GOLGA4: variants seen among roughly 807,000 people sequenced by gnomAD.
The protein encoded by GOLGA4 is golgin subfamily A member 4.
In GOLGA4, 169 loss-of-function variants were observed where a neutral mutation model predicts 265.9. The observed-to-expected ratio is 0.64, with a 90% CI of 0.56 to 0.72. The LOEUF (loss-of-function observed/expected upper bound fraction) is 0.72. GOLGA4 is among the 30% of genes least tolerant of loss of function. GOLGA4 has a pLI of 0.00. For missense variants in GOLGA4, 2,482 were observed against 2,483.4 expected (o/e 1.00, Z 0.01); for synonymous variants, 923 against 855.8 (o/e 1.08, Z -1.37).
At chr3:37,277,497 G>A (rs1388195472) in intron 2 of GOLGA4, among the ~76,000 whole-genome samples, 2 of 152,052 alleles carry the variant, frequency 1.3e-5, no homozygotes, top group African/African-American at 2.4e-5. Context: ...ATTTTGATTC[G>A]GAAATCTATA....
chr3:37,267,371 G>A (rs1320310092), intron 2 of GOLGA4, among the ~76,000 whole-genome samples: 1 of 152,226 alleles, frequency 6.6e-6, no homozygotes, highest in African/African-American at 2.4e-5. Flanking sequence ...TAATTAAACA[G>A]CATTGAATAG....
chr3:37,286,218 A>G (rs1164673028), intron 4 of GOLGA4, among the ~76,000 whole-genome samples, 157 bp downstream of exon 4: 2 of 137,086 alleles, frequency 1.5e-5, no homozygotes, highest in Admixed American at 8.5e-5. Flanking sequence ...CAGTGGCGCA[A>G]TCTCGGCTCA....
Position 37,340,538 on chromosome 3 carries a change from C to T in GOLGA4, c.6472+339C>T, listed in dbSNP as rs184520406. 1.2e-4 allele frequency among the ~76,000 whole-genome samples: 18 copies of T among 152,214 alleles called. No individual in the cohort carries two copies. In the East Asian group the frequency reaches 3.3e-3, roughly 28 times the overall value. Reference sequence around the variant, plus strand: ...AATACAATACATTAACTGTAGTCAACCGTATTTTACAATAGATCTCTTGAA... The same window carrying T: ...AATACAATACATTAACTGTAGTCAATCGTATTTTACAATAGATCTCTTGAA... On this transcript the variant is annotated intron_variant, in intron 20 of 23. Coordinates refer to ENST00000361924, the MANE Select transcript of GOLGA4 (RefSeq NM_002078.5).
At chr3:37,342,018 C>T (rs1421249327) in intron 20 of GOLGA4, among the ~76,000 whole-genome samples, 1 of 152,050 alleles carries the variant, frequency 6.6e-6, no homozygotes, top group African/African-American at 2.4e-5. Flanking sequence ...GCAGTATGTA[C>T]ATTAATCTCT....
chr3:37,295,898 A>G (rs2096876932), intron 6 of GOLGA4, among the ~76,000 whole-genome samples, 189 bp from the exon 7 acceptor site: 1 of 152,212 alleles, frequency 6.6e-6, no homozygotes, highest in Non-Finnish European at 1.5e-5. Context: ...GGGATGATTT[A>G]AATTATACTG....
Position 37,326,742 on chromosome 3 carries a change from A to AGGAG in GOLGA4, c.4858_4861dup (p.Glu1621GlyfsTer9). ...GTGAATTTAAGTGTGAAAAGCAAAG[A>AGGAG]GGAGGAGTTAAAGGCATTGGAAGAT... On this transcript the variant is annotated frameshift_variant, in exon 14 of 24. Transcript: ENST00000361924. LOFTEE classifies it high-confidence loss of function. 6.2e-7 allele frequency: 1 copy of AGGAG among 1,613,744 alleles called. No homozygotes were observed. Among genetic ancestry groups the AGGAG allele is most frequent in the Non-Finnish European group, 8.5e-7 (1 of 1,179,716 alleles).
At chr3:37,273,625 G>C in intron 2 of GOLGA4, 1 of 1,212,636 alleles carries the variant, frequency 8.2e-7, no homozygotes, top group South Asian at 1.3e-5. Context: ...TGTTATTTTA[G>C]AAAATAACAA....
intron 10 of GOLGA4, among the ~76,000 whole-genome samples, chr3:37,309,463 G>C (rs2150904684): frequency 1.3e-5 from 2 of 152,078 alleles, no homozygotes; most frequent in Middle Eastern, 6.8e-3. Context: ...GCTGAGGCAG[G>C]AGAATTGCTT....
At chr3:37,249,303 G>A (rs975405304) in intron 1 of GOLGA4, among the ~76,000 whole-genome samples, 2 of 152,198 alleles carry the variant, frequency 1.3e-5, no homozygotes, top group African/African-American at 4.8e-5. Flanking sequence ...CAGTGACTGT[G>A]CTTTCCCTTG....
chr3:37,302,467 G>A (rs1043521463), intron 10 of GOLGA4, 135 bp downstream of exon 10: 3 of 763,582 alleles, frequency 3.9e-6, no homozygotes, highest in African/African-American at 3.6e-5. Context: ...ACACCCATCT[G>A]CTCATTAGAG....
chr3:37,297,590 C>T lies in GOLGA4; in HGVS notation c.815-1243C>T, dbSNP rs181822059. On this transcript the variant is annotated intron_variant, in intron 7 of 23. Coordinates refer to ENST00000361924, the MANE Select transcript of GOLGA4 (RefSeq NM_002078.5). The stretch of plus-strand genomic sequence containing the variant: ...TGTGCCATTCTGAATGGGGTTGAAC[C>T]TCAAAGAGGTGAATTACTACTAAGC... Among the ~76,000 whole-genome samples the T allele has an allele frequency of 1.6e-4, 25 of 152,234 alleles. No homozygotes were observed. In the East Asian group the frequency reaches 4.6e-3, roughly 28 times the overall value.
intron 2 of GOLGA4, among the ~76,000 whole-genome samples, chr3:37,260,289 C>T (rs1239670908): frequency 2.6e-5 from 4 of 152,014 alleles, no homozygotes; most frequent in African/African-American, 9.7e-5. Context: ...CATAAGGGTT[C>T]TACTAACAGT....
At chr3:37,314,642 AACACACACACACACACACACACACACAC>A (rs60890140) in intron 10 of GOLGA4, among the ~76,000 whole-genome samples, 1 of 138,970 alleles carries the variant, frequency 7.2e-6, no homozygotes, top group Non-Finnish European at 1.5e-5. Flanking sequence ...CTCCGTCTCA[AACACACACACACACACACACACACACAC>A]ACACACACAC....
rs1559441967 is a variant in GOLGA4 at position 37,328,278 on chromosome 3, ACACT to A, written c.5940-136_5940-133del. On this transcript the variant is annotated intron_variant, in intron 14 of 23. Transcript: ENST00000361924. ...CACACACACACACACACTCACTCTC[ACACT>A]CTCTCTCTCTCTCTCTCTCAAAAAT... 2.4e-5 allele frequency: 17 copies of A among 722,138 alleles called. 1 individual carries two copies. Among genetic ancestry groups the A allele is most frequent in the Non-Finnish European group, 3.7e-5 (16 of 429,260 alleles). The allele number at this position is 722,138 out of a possible 1,614,324, so 44.7% of individuals were successfully genotyped here. A position where few individuals can be genotyped will look rare whatever the true frequency, so the allele number is the denominator to read the frequency against.
intron 7 of GOLGA4, 143 bp from the exon 8 acceptor site, chr3:37,298,690 A>T: frequency 1.7e-6 from 1 of 595,520 alleles, no homozygotes; most frequent in Non-Finnish European, 3.0e-6. Context: ...GCCTACACCC[A>T]GGAACGAACA....
intron 2 of GOLGA4, among the ~76,000 whole-genome samples, chr3:37,257,932 TATACATAC>T (rs1298772065): frequency 9.0e-6 from 1 of 110,822 alleles, no homozygotes; most frequent in African/African-American, 4.5e-5. Flanking sequence ...TATATGTATA[TATACATAC>T]ATATATATGT....
chr3:37,273,523 T>C, intron 2 of GOLGA4: 1 of 1,449,182 alleles, frequency 6.9e-7, no homozygotes, highest in Non-Finnish European at 9.4e-7. Context: ...CAATGTTTCT[T>C]TCTTTTTCTT....
At chr3:37,347,518 G>A (rs1024188438) in intron 21 of GOLGA4, among the ~76,000 whole-genome samples, 1 of 152,030 alleles carries the variant, frequency 6.6e-6, no homozygotes, top group Non-Finnish European at 1.5e-5. Flanking sequence ...AAATACTATT[G>A]GGTAACACTG....
In GOLGA4 at chr3:37,365,360, C is replaced by A. The variant is rs543308589; in HGVS notation, c.*34-720C>A. On this transcript the variant is annotated intron_variant, in intron 23 of 23. Transcript: ENST00000361924. Reference sequence around the variant, plus strand: ...CTCGGCTTACTGCAACCTCCGCCTCCTGAGTTCAAGTGATTTCTCCTGCCT... The same window carrying A: ...CTCGGCTTACTGCAACCTCCGCCTCATGAGTTCAAGTGATTTCTCCTGCCT... Among the ~76,000 whole-genome samples, 32 of 152,278 alleles carry A rather than the reference C, an allele frequency of 2.1e-4. 1 individual carries two copies. Among genetic ancestry groups the A allele is most frequent in the Non-Finnish European group, 3.7e-4 (25 of 68,020 alleles).
Sources: allele counts gnomAD v4.1 joint callset (sites outside exome capture counted in the v4.1 genomes callset), GRCh38; gene constraint gnomAD v4.1.1; transcripts MANE v1.5; gene names NCBI Gene and HGNC (gene_info 2026-07-23, HGNC 2026-07-21).